Variants in LIMCH1 observed in about 807,000 individuals in gnomAD.
LIMCH1 encodes LIM and calponin homology domains-containing protein 1.
LIMCH1 carries 113 observed loss-of-function variants against 176.5 expected under a neutral mutation model. The ratio of observed to expected loss-of-function variants is 0.64; its 90% CI spans 0.55 to 0.75. The LOEUF is 0.75. Among genes scored for constraint, LIMCH1 ranks in the 30% least tolerant of loss-of-function variants. LIMCH1 has a pLI of 0.00. For missense variants in LIMCH1, 1,674 were observed against 1,814.9 expected, an observed-to-expected ratio of 0.92 and a Z score of 1.41; for synonymous variants, 619 against 645.9, an observed-to-expected ratio of 0.96 and a Z score of 0.63.
intron 3 of LIMCH1, among the ~76,000 whole-genome samples, chr4:41,531,949 G>A (rs1249216207): frequency 6.6e-6 from 1 of 152,154 alleles, no homozygotes; most frequent in Non-Finnish European, 1.5e-5. Context: ...GAAATGAATA[G>A]ACATTGTGAG....
At chr4:41,402,036 C>T (rs573619515) in intron 1 of LIMCH1, among the ~76,000 whole-genome samples, 34 of 152,256 alleles carry the variant, frequency 2.2e-4, no homozygotes, top group Non-Finnish European at 4.1e-4. Context: ...CCTTCCCCTG[C>T]CTAATTGCCC....
chr4:41,562,886 A>T (rs553874380), intron 1 of LIMCH1, among the ~76,000 whole-genome samples: 7 of 152,250 alleles, frequency 4.6e-5, no homozygotes, highest in African/African-American at 1.7e-4. Flanking sequence ...TTTGATAGAA[A>T]AGATCTTTGG....
intron 31 of LIMCH1, among the ~76,000 whole-genome samples, chr4:41,696,398 C>T (rs769621702): frequency 6.6e-6 from 1 of 152,114 alleles, no homozygotes; most frequent in Non-Finnish European, 1.5e-5. Context: ...CTCATCACAA[C>T]TGTAGTGCCT....
At chr4:41,669,229 T>C (rs1175117043) in intron 21 of LIMCH1, among the ~76,000 whole-genome samples, 1 of 152,142 alleles carries the variant, frequency 6.6e-6, no homozygotes, top group Non-Finnish European at 1.5e-5. Context: ...AATAACCTCA[T>C]AGGGATTTTA....
At chr4:41,609,713 A>G (rs1368622180) in intron 4 of LIMCH1, 2 of 453,106 alleles carry the variant, frequency 4.4e-6, no homozygotes, top group Non-Finnish European at 8.9e-6. Flanking sequence ...CTTCATTAAC[A>G]TACTTTAACT....
chr4:41,436,616 C>T (rs1002783748), intron 1 of LIMCH1, among the ~76,000 whole-genome samples: 1 of 152,116 alleles, frequency 6.6e-6, no homozygotes, highest in Non-Finnish European at 1.5e-5. Flanking sequence ...AAAATAATGG[C>T]ACCAGGGCAA....
chr4:41,529,820 T>C (rs1218112908), intron 3 of LIMCH1, among the ~76,000 whole-genome samples: 1 of 152,178 alleles, frequency 6.6e-6, no homozygotes, highest in Non-Finnish European at 1.5e-5. Context: ...AAGGCCTTAC[T>C]TCATGTATCA....
chr4:41,583,789 T>G (rs2085955461), intron 1 of LIMCH1, among the ~76,000 whole-genome samples: 1 of 152,192 alleles, frequency 6.6e-6, no homozygotes. Context: ...CTCTCTTTTT[T>G]TTTTTTGCTT....
At position 41,415,566 on chromosome 4, in the gene LIMCH1, C is replaced by T. The variant is rs548425359; in HGVS notation, c.96+54630C>T. Among the ~76,000 whole-genome samples, 8 of 152,274 alleles carry T rather than the reference C, an allele frequency of 5.3e-5. No homozygotes were observed. The East Asian group carries it at 9.7e-4, about 18-fold the overall frequency. On this transcript the variant is annotated intron_variant, in intron 1 of 26. Transcript: ENST00000313860. ...AACCCAGCCTTGCCCATACAGCTGT[C>T]GTCTGCTTTAGGAGACAGGTTTTGG...
At chr4:41,385,199 T>A (rs1377238364) in intron 1 of LIMCH1, among the ~76,000 whole-genome samples, 5 of 152,224 alleles carry the variant, frequency 3.3e-5, no homozygotes, top group Non-Finnish European at 7.3e-5. Flanking sequence ...CTGTTAGTGA[T>A]AAGCAGGCAA....
At chr4:41,473,916 G>A (rs550245351) in intron 1 of LIMCH1, among the ~76,000 whole-genome samples, 5 of 152,246 alleles carry the variant, frequency 3.3e-5, no homozygotes, top group East Asian at 1.9e-4. Context: ...AGTGGTTTAC[G>A]CCTGTAATCT....
intron 1 of LIMCH1, among the ~76,000 whole-genome samples, chr4:41,460,455 C>CATATATATATATATATATAT (rs1302547339): frequency 0.01 from 935 of 91,910 alleles, 34 homozygotes; most frequent in African/African-American, 0.025. Context: ...CTATAGTAAT[C>CATATATATATATATATATAT]ATCTATATAT....
chr4:41,381,456 C>T (rs1216999633), intron 1 of LIMCH1, among the ~76,000 whole-genome samples: 1 of 152,210 alleles, frequency 6.6e-6, no homozygotes, highest in Non-Finnish European at 1.5e-5. Context: ...GTTTCCCTCA[C>T]AGAGGGAGCT....
In LIMCH1 at chr4:41,626,757, C is replaced by T. The variant is rs1378732984; in HGVS notation, c.775C>T (p.Arg259Cys). ...EKEAIRDIVLRKENSFLTHQH... is the reference protein window; with the variant it reads ...EKEAIRDIVLCKENSFLTHQH... ...AGAAGCTATTCGTGATATTGTCCTTCGCAAAGAAAACTCTTTCCTGACCCA... is the reference window on the plus strand; with the variant it reads ...AGAAGCTATTCGTGATATTGTCCTTTGCAAAGAAAACTCTTTCCTGACCCA... Residue 259 changes from arginine (R) to cysteine (C), a missense_variant, in exon 8 of 32, where the codon CGC becomes TGC. Arg to Cys is a radical substitution (Grantham distance 180, BLOSUM62 -3). Around this residue, in one of 3 missense-constraint regions of LIMCH1, gnomAD observed 655 missense variants for 692.2 expected, o/e 0.95. Transcript: ENST00000503057. The T allele has an allele frequency of 9.1e-6, 14 of 1,536,252 alleles. No individual in the cohort carries two copies. Among genetic ancestry groups the T allele is most frequent in the East Asian group, 7.3e-5 (3 of 40,918 alleles).
At chr4:41,415,117 T>C (rs1205783006) in intron 1 of LIMCH1, among the ~76,000 whole-genome samples, 1 of 152,204 alleles carries the variant, frequency 6.6e-6, no homozygotes, top group African/African-American at 2.4e-5. Context: ...CAATAATTAC[T>C]AGCTACAGTT....
At position 41,520,367 on chromosome 4, in the gene LIMCH1, C is replaced by T. The variant is rs150970130; in HGVS notation, c.168-4042C>T. 3.7e-3 allele frequency among the ~76,000 whole-genome samples: 565 copies of T among 152,286 alleles called. 2 individuals are homozygous for T. Among genetic ancestry groups the T allele is most frequent in the African/African-American group, 0.013 (527 of 41,574 alleles). On this transcript the variant is annotated intron_variant, in intron 2 of 26. Coordinates refer to the LIMCH1 transcript ENST00000313860. The stretch of plus-strand genomic sequence containing the variant: ...CTGGAACGCTTGTCCTCCAGTCTCT[C>T]GTTGGCTAAAGTCTCTTGTTCCTTT...
intron 1 of LIMCH1, among the ~76,000 whole-genome samples, chr4:41,559,761 A>G (rs1275713225): frequency 6.6e-6 from 1 of 152,140 alleles, no homozygotes; most frequent in Non-Finnish European, 1.5e-5. Context: ...TTGCCACACC[A>G]CAGCTTCTAG....
intron 13 of LIMCH1, among the ~76,000 whole-genome samples, chr4:41,635,356 T>G (rs1354466050): frequency 2.0e-5 from 3 of 152,062 alleles, no homozygotes; most frequent in Non-Finnish European, 4.4e-5. Context: ...GCCTCCTGAA[T>G]AGCTGGGATT....
At chr4:41,518,423 G>T (rs2075805944) in intron 2 of LIMCH1, among the ~76,000 whole-genome samples, 1 of 152,110 alleles carries the variant, frequency 6.6e-6, no homozygotes, top group African/African-American at 2.4e-5. Context: ...TAGAAAAAAA[G>T]TCTTCACTTT....
Sources: gnomAD v4.1 joint callset for allele counts (sites outside exome capture counted in the v4.1 genomes callset) on GRCh38, gnomAD v4.1.1 for gene constraint, gnomAD v4.1.1 regional missense constraint, MANE v1.5 for transcripts, NCBI Gene and HGNC (gene_info 2026-07-23, HGNC 2026-07-21) for gene names.